SH3RF3: variants seen among roughly 807,000 people sequenced by gnomAD.
SH3RF3 encodes SH3 domain containing ring finger 3.
SH3RF3 carries 29 observed loss-of-function variants against 66.3 expected under a neutral mutation model. The ratio of observed to expected loss-of-function variants is 0.44; its 90% confidence interval spans 0.33 to 0.60. The LOEUF is 0.60. Ranked by LOEUF, SH3RF3 falls within the 20% of genes least tolerant of loss-of-function variation. The pLI is 0.04. For missense variants in SH3RF3, 1,194 were observed against 1,190.9 expected, an observed-to-expected ratio of 1.00 and a Z score of -0.04; for synonymous variants, 583 against 532.0, an observed-to-expected ratio of 1.10 and a Z score of -1.32.
chr2:109,302,096 T>C (rs754608246), intron 1 of SH3RF3, among the ~76,000 whole-genome samples: 4 of 152,218 alleles, frequency 2.6e-5, no homozygotes, highest in Non-Finnish European at 4.4e-5. Flanking sequence ...CTCCTCCCAC[T>C]GCAATCGATA....
intron 1 of SH3RF3, among the ~76,000 whole-genome samples, chr2:109,151,816 G>A (rs1677231206): frequency 6.6e-6 from 1 of 152,230 alleles, no homozygotes; most frequent in African/African-American, 2.4e-5. Context: ...ATTTGCATCT[G>A]CAAATTGTGG....
At chr2:109,432,360 G>C (rs1226114138) in intron 5 of SH3RF3, 141 bp from the exon 6 acceptor site, 11 of 1,094,488 alleles carry the variant, frequency 1.0e-5, no homozygotes, top group East Asian at 7.8e-5. Context: ...TGAGGCCTCT[G>C]TAAACTGCAG....
intron 8 of SH3RF3, among the ~76,000 whole-genome samples, chr2:109,456,054 C>G (rs1678046450): frequency 6.6e-6 from 1 of 152,242 alleles, no homozygotes; most frequent in African/African-American, 2.4e-5. Context: ...TCAGGTGCAG[C>G]CACAGTCTGA....
intron 1 of SH3RF3, among the ~76,000 whole-genome samples, chr2:109,293,190 G>A (rs760190359): frequency 3.9e-5 from 6 of 152,262 alleles, no homozygotes; most frequent in Non-Finnish European, 8.8e-5. Context: ...ATGGTGCTGT[G>A]TGGGGCCCTG....
intron 1 of SH3RF3, among the ~76,000 whole-genome samples, chr2:109,252,142 G>A (rs1264216245): frequency 6.6e-6 from 1 of 152,058 alleles, no homozygotes; most frequent in Admixed American, 6.5e-5. Flanking sequence ...TACTCAGGAG[G>A]CTGAGGTTGG....
At chr2:109,192,581 A>G (rs1467743622) in intron 1 of SH3RF3, among the ~76,000 whole-genome samples, 1 of 152,216 alleles carries the variant, frequency 6.6e-6, no homozygotes, top group African/African-American at 2.4e-5. Flanking sequence ...TTCTGTCTTG[A>G]AACGGCATGG....
chr2:109,430,334 T>C (rs184976628), intron 5 of SH3RF3, among the ~76,000 whole-genome samples: 123 of 152,354 alleles, frequency 8.1e-4, no homozygotes, highest in African/African-American at 2.9e-3. Context: ...GCACATCAAT[T>C]TGTGCGTCAT....
chr2:109,489,729 G>GT (rs953133665), intron 8 of SH3RF3, among the ~76,000 whole-genome samples: 3 of 130,892 alleles, frequency 2.3e-5, no homozygotes, highest in Non-Finnish European at 4.8e-5. Context: ...GTCGGACAAG[G>GT]TTTTTTTTGG....
intron 1 of SH3RF3, among the ~76,000 whole-genome samples, chr2:109,292,387 G>C (rs905734619): frequency 1.3e-4 from 20 of 152,038 alleles, no homozygotes; most frequent in Admixed American, 1.1e-3. Flanking sequence ...TTTGTATCCT[G>C]GTCTTTTCAC....
Position 109,195,656 on chromosome 2 carries a change from C to T in SH3RF3, c.573+65543C>T, listed in dbSNP as rs1384536798. On this transcript the variant is annotated intron_variant, in intron 1 of 9. Transcript: ENST00000309415. ...CCCGCAGGCAGCCTCTGACCGTGTG[C>T]CAGAGAGCTCCGCGTTTGCATCTTA... 2.6e-5 allele frequency among the ~76,000 whole-genome samples: 4 copies of T among 152,318 alleles called. No homozygotes were observed. The East Asian group carries it at 7.7e-4, about 29-fold the overall frequency.
chr2:109,486,862 T>A (rs1324453443), intron 8 of SH3RF3, among the ~76,000 whole-genome samples: 5 of 152,184 alleles, frequency 3.3e-5, no homozygotes, highest in Non-Finnish European at 7.3e-5. Flanking sequence ...TCTCGGCAGA[T>A]CTGTCTCCCG....
At position 109,418,043 on chromosome 2, in the gene SH3RF3, G is replaced by A. The variant is rs1047916414; in HGVS notation, c.1300-1496G>A. 6.6e-5 allele frequency among the ~76,000 whole-genome samples: 10 copies of A among 151,924 alleles called. No homozygotes were observed. In the East Asian group the frequency reaches 7.7e-4, roughly 12 times the overall value. On this transcript the variant is annotated intron_variant, in intron 4 of 9. Transcript: ENST00000309415. ...GTGGTCTCTGCTTGTAGTGCCTTTC[G>A]CTCACCTGAGGACACACACTGGGGA...
intron 3 of SH3RF3, among the ~76,000 whole-genome samples, chr2:109,375,378 T>A (rs911185815): frequency 2.0e-5 from 3 of 152,240 alleles, no homozygotes; most frequent in African/African-American, 7.2e-5. Flanking sequence ...GTTCATCAGA[T>A]GCCAGCTGGA....
intron 4 of SH3RF3, among the ~76,000 whole-genome samples, chr2:109,413,458 G>A (rs1025227518): frequency 6.6e-6 from 1 of 152,154 alleles, no homozygotes; most frequent in Non-Finnish European, 1.5e-5. Context: ...AACTGCCGGG[G>A]CTACAGGCTT....
intron 1 of SH3RF3, among the ~76,000 whole-genome samples, chr2:109,201,119 A>G (rs1409402961): frequency 6.6e-6 from 1 of 152,136 alleles, no homozygotes; most frequent in East Asian, 1.9e-4. Flanking sequence ...CACAGACCTT[A>G]TTTTATATCA....
intron 5 of SH3RF3, among the ~76,000 whole-genome samples, chr2:109,421,715 C>T (rs1447057378): frequency 1.3e-5 from 2 of 152,110 alleles, no homozygotes; most frequent in East Asian, 1.9e-4. Flanking sequence ...GGAAGGGAAA[C>T]TTATGTGTCG....
chr2:109,443,059 A>G (rs1307249342), intron 7 of SH3RF3, among the ~76,000 whole-genome samples: 5 of 152,270 alleles, frequency 3.3e-5, no homozygotes, highest in Admixed American at 3.3e-4. Flanking sequence ...TGGTAGTTAC[A>G]TTCTATGAAG....
intron 1 of SH3RF3, among the ~76,000 whole-genome samples, chr2:109,189,230 G>C (rs1216160759): frequency 6.6e-6 from 1 of 151,942 alleles, no homozygotes; most frequent in African/African-American, 2.4e-5. Flanking sequence ...GGTGTGTTCA[G>C]AAGGAGGTGG....
intron 1 of SH3RF3, among the ~76,000 whole-genome samples, chr2:109,286,878 T>C (rs1193976048): frequency 6.6e-6 from 1 of 151,936 alleles, no homozygotes; most frequent in African/African-American, 2.4e-5. Context: ...TTGACCGGTC[T>C]GTCCCCAGAG....
Sources: gnomAD v4.1 joint callset for allele counts (sites outside exome capture counted in the v4.1 genomes callset) on GRCh38, gnomAD v4.1.1 for gene constraint, MANE v1.5 for transcripts, NCBI Gene and HGNC (gene_info 2026-07-23, HGNC 2026-07-21) for gene names.